Variants in IQCK observed in about 807,000 individuals in gnomAD.
The protein encoded by IQCK is IQ domain-containing protein K.
A neutral mutation model predicts 28.1 loss-of-function variants in IQCK; 29 were observed. The observed-to-expected ratio is 1.03, with a 90% CI of 0.77 to 1.41. The LOEUF (loss-of-function observed/expected upper bound fraction) is 1.41. Ranked by LOEUF, IQCK falls within the 40% of genes most tolerant of loss-of-function variation. The pLI is 0.00. For missense variants in IQCK, 359 were observed against 314.7 expected, an observed-to-expected ratio of 1.14 and a Z score of -1.07; for synonymous variants, 113 against 115.1, an observed-to-expected ratio of 0.98 and a Z score of 0.12.
intron 4 of IQCK, chr16:19,761,438 G>T (rs533490730): frequency 4.2e-5 from 19 of 455,650 alleles, no homozygotes; most frequent in Middle Eastern, 3.3e-4. Flanking sequence ...GCAGGCTAGG[G>T]AGGGTGGATC....
chr16:19,840,062 G>A (rs1176813696), intron 9 of IQCK, among the ~76,000 whole-genome samples: 1 of 151,486 alleles, frequency 6.6e-6, no homozygotes, highest in Non-Finnish European at 1.5e-5. Flanking sequence ...GAAGATATAT[G>A]CTTACATATA....
intron 6 of IQCK, among the ~76,000 whole-genome samples, chr16:19,785,172 A>G (rs2055546087): frequency 6.6e-6 from 1 of 152,226 alleles, no homozygotes; most frequent in South Asian, 2.1e-4. Context: ...AGCAAATTAG[A>G]AAAAGGTATC....
intron 6 of IQCK, among the ~76,000 whole-genome samples, chr16:19,779,583 CT>C (rs2055446473): frequency 6.6e-6 from 1 of 152,122 alleles, no homozygotes; most frequent in Non-Finnish European, 1.5e-5. Flanking sequence ...CTCTTTAATA[CT>C]TTTTGGCCCA....
chr16:19,818,253 T>C (rs2056016078), intron 7 of IQCK, among the ~76,000 whole-genome samples: 1 of 152,126 alleles, frequency 6.6e-6, no homozygotes, highest in African/African-American at 2.4e-5. Context: ...AAAACACTGG[T>C]TTGTAATCAT....
chr16:19,837,334 G>A (rs536142352), intron 9 of IQCK, among the ~76,000 whole-genome samples: 243 of 152,246 alleles, frequency 1.6e-3, no homozygotes, highest in Non-Finnish European at 2.8e-3. Flanking sequence ...TTGGGAGGTC[G>A]AGGCTTCAGA....
chr16:19,814,847 G>T (rs1358022655), intron 7 of IQCK, among the ~76,000 whole-genome samples: 1 of 147,682 alleles, frequency 6.8e-6, no homozygotes, highest in Non-Finnish European at 1.5e-5. Context: ...GAGTGCCATG[G>T]TGCAGTCACA....
chr16:19,856,613 A>G (rs887257829), exon 10 of IQCK: 20 of 1,270,964 alleles, frequency 1.6e-5, no homozygotes, highest in Admixed American at 5.1e-5. Context: ...AAATGTCCAA[A>G]TGATGCTCTC....
intron 7 of IQCK, among the ~76,000 whole-genome samples, chr16:19,799,733 A>G (rs2055737489): frequency 1.5e-5 from 1 of 66,678 alleles, no homozygotes; most frequent in Non-Finnish European, 2.4e-5. Flanking sequence ...TTATTGTTCA[A>G]ATTCACACAC....
intron 9 of IQCK, among the ~76,000 whole-genome samples, chr16:19,852,919 G>A (rs962230215): frequency 9.2e-5 from 14 of 152,152 alleles, no homozygotes; most frequent in African/African-American, 2.9e-4. Context: ...ACCGCACGCG[G>A]CCTCCTTCAA....
At chr16:19,760,827 G>A (rs143422608) in intron 4 of IQCK, among the ~76,000 whole-genome samples, 1 of 152,192 alleles carries the variant, frequency 6.6e-6, no homozygotes, top group Non-Finnish European at 1.5e-5. Flanking sequence ...AAACAGAGCA[G>A]CCCCGAGGGC....
intron 4 of IQCK, among the ~76,000 whole-genome samples, chr16:19,746,566 A>T (rs1300616752): frequency 6.6e-6 from 1 of 152,222 alleles, no homozygotes; most frequent in Non-Finnish European, 1.5e-5. Context: ...CATGCAAGAA[A>T]ATCTTATTAT....
At position 19,803,486 on chromosome 16, in the gene IQCK, C is replaced by T. The variant is rs1234803881; in HGVS notation, c.690+14564C>T. On this transcript the variant is annotated intron_variant, in intron 7 of 7. Transcript: ENST00000564186. The stretch of plus-strand genomic sequence containing the variant: ...ATAGCTCCCAGGTGACTCTAACATG[C>T]AGCCAGGATTGAGACCCACTGATGT... Among the ~76,000 whole-genome samples the T allele has an allele frequency of 3.9e-5, 6 of 152,066 alleles. No individual in the cohort carries two copies. In the East Asian group the frequency reaches 1.2e-3, roughly 29 times the overall value.
chr16:19,834,579 A>G (rs1452253294), intron 9 of IQCK, among the ~76,000 whole-genome samples: 2 of 152,208 alleles, frequency 1.3e-5, no homozygotes, highest in Admixed American at 6.5e-5. Context: ...GTGACCACAG[A>G]CCACTAGTAT....
rs949402575 is a variant in IQCK at position 19,756,313 on chromosome 16, A to T, written c.475-7535A>T. On this transcript the variant is annotated intron_variant, in intron 4 of 7. Transcript: ENST00000564186. Reference sequence around the variant, plus strand: ...AGCATGGAGCAGAGAGCCACAGCTGATTGAAATGTTCATGTAACATGAGTG... The same window carrying T: ...AGCATGGAGCAGAGAGCCACAGCTGTTTGAAATGTTCATGTAACATGAGTG... 3.3e-5 allele frequency among the ~76,000 whole-genome samples: 5 copies of T among 152,344 alleles called. No homozygotes were observed. In the South Asian group the frequency reaches 6.2e-4, roughly 19 times the overall value.
chr16:19,856,105 C>T (rs2056556689), intron 9 of IQCK, among the ~76,000 whole-genome samples: 1 of 152,008 alleles, frequency 6.6e-6, no homozygotes, highest in African/African-American at 2.4e-5. Flanking sequence ...CCTGAGTTTT[C>T]CATTTTGGGT....
At chr16:19,766,035 G>C (rs759122096) in intron 6 of IQCK, 1 of 152,178 alleles carries the variant, frequency 6.6e-6, no homozygotes, top group South Asian at 2.1e-4. Context: ...GAGCAGTAGC[G>C]GTCATTTCAG....
chr16:19,759,521 G>C (rs2055106597), intron 4 of IQCK, among the ~76,000 whole-genome samples: 2 of 152,078 alleles, frequency 1.3e-5, no homozygotes, highest in Admixed American at 1.3e-4. Flanking sequence ...AGTGCAGTCA[G>C]TTAAGCACTG....
chr16:19,818,377 T>C (rs2056018317), intron 7 of IQCK, among the ~76,000 whole-genome samples: 2 of 152,208 alleles, frequency 1.3e-5, no homozygotes, highest in Non-Finnish European at 2.9e-5. Flanking sequence ...TATACACATA[T>C]ATAACGTTTT....
At chr16:19,727,300 T>C (rs1478112189) in intron 1 of IQCK, among the ~76,000 whole-genome samples, 2 of 152,182 alleles carry the variant, frequency 1.3e-5, no homozygotes, top group Non-Finnish European at 2.9e-5. Context: ...AAATGTATTA[T>C]GTATTATATA....
Sources: allele counts gnomAD v4.1 joint callset (sites outside exome capture counted in the v4.1 genomes callset), GRCh38; gene constraint gnomAD v4.1.1; transcripts MANE v1.5; gene names NCBI Gene and HGNC (gene_info 2026-07-23, HGNC 2026-07-21).